CTNNA2: variants seen among roughly 807,000 people sequenced by gnomAD.
The protein encoded by CTNNA2 is catenin alpha 2, also known as catenin alpha-2.
A neutral mutation model predicts 101.0 loss-of-function variants in CTNNA2; 42 were observed. That is an observed-to-expected ratio of 0.42 (90% CI 0.32 to 0.54). The LOEUF (loss-of-function observed/expected upper bound fraction) is 0.54, where lower values mean the gene tolerates loss of function less well. Among genes scored for constraint, CTNNA2 ranks in the 20% least tolerant of loss-of-function variants. The pLI, the probability that CTNNA2 is intolerant of heterozygous loss-of-function variation, is 0.14. For synonymous variants in CTNNA2, 450 were observed against 456.4 expected (o/e 0.99, Z 0.18); for missense variants, 871 against 1,223.1 (o/e 0.71, Z 4.29).
chr2:80,173,610 C>T (rs540474700), intron 7 of CTNNA2, among the ~76,000 whole-genome samples: 28 of 152,284 alleles, frequency 1.8e-4, no homozygotes, highest in African/African-American at 6.5e-4. Flanking sequence ...GGTATAGTTT[C>T]CTCGCACTGG....
At chr2:79,538,559 C>T (rs1673213234) in intron 1 of CTNNA2, among the ~76,000 whole-genome samples, 1 of 152,092 alleles carries the variant, frequency 6.6e-6, no homozygotes, top group African/African-American at 2.4e-5. Context: ...TATGGCCTTG[C>T]TATCGAGCAG....
At chr2:79,386,056 A>T (rs1050742078) in intron 4 of CTNNA2, among the ~76,000 whole-genome samples, 1 of 152,160 alleles carries the variant, frequency 6.6e-6, no homozygotes, top group African/African-American at 2.4e-5. Context: ...CAGTAATGGG[A>T]TTGCTGGGTC....
At chr2:79,698,331 A>G (rs1273248958) in intron 2 of CTNNA2, among the ~76,000 whole-genome samples, 1 of 152,010 alleles carries the variant, frequency 6.6e-6, no homozygotes, top group Non-Finnish European at 1.5e-5. Context: ...TTTAGACAGT[A>G]AATTGGAAGT....
chr2:80,430,023 A>G (rs893631858), intron 9 of CTNNA2, among the ~76,000 whole-genome samples: 59 of 152,320 alleles, frequency 3.9e-4, no homozygotes, highest in African/African-American at 1.3e-3. Context: ...TTTTTTTCAT[A>G]TGTAAGAGAA....
intron 7 of CTNNA2, among the ~76,000 whole-genome samples, chr2:80,043,081 TTCTTTCTTTCTTTCTCTCTCTC>T (rs1259880234): frequency 3.4e-4 from 15 of 43,620 alleles, no homozygotes; most frequent in African/African-American, 1.0e-3. Context: ...CTTTCTTTCT[TTCTTTCTTTCTTTCTCTCTCTC>T]TCTCTCTCTT....
chr2:79,985,695 G>A (rs1354034519), intron 7 of CTNNA2, among the ~76,000 whole-genome samples: 1 of 152,202 alleles, frequency 6.6e-6, no homozygotes, highest in African/African-American at 2.4e-5. Context: ...GAAACAGACA[G>A]CACTAGAAAC....
chr2:79,586,528 T>TTA (rs2103947159), intron 1 of CTNNA2, among the ~76,000 whole-genome samples: 1 of 13,984 alleles, frequency 7.2e-5, no homozygotes, highest in East Asian at 1.2e-3. Context: ...TTTTCTTTTC[T>TTA]TTTTTTTTAG....
chr2:79,305,102 G>T (rs1460290261), intron 2 of CTNNA2, among the ~76,000 whole-genome samples: 1 of 151,964 alleles, frequency 6.6e-6, no homozygotes, highest in Non-Finnish European at 1.5e-5. Flanking sequence ...CAGAGGCAAA[G>T]CAGTGCATTT....
intron 7 of CTNNA2, among the ~76,000 whole-genome samples, chr2:79,996,192 T>C (rs1692532064): frequency 6.6e-6 from 1 of 152,236 alleles, no homozygotes; most frequent in African/African-American, 2.4e-5. Context: ...GCATATGCTA[T>C]ATTGCTAGTT....
intron 7 of CTNNA2, among the ~76,000 whole-genome samples, chr2:80,168,661 G>C (rs1208728329): frequency 1.3e-5 from 2 of 152,068 alleles, no homozygotes; most frequent in Non-Finnish European, 2.9e-5. Flanking sequence ...ATCCAATCTT[G>C]GTTGCACATT....
intron 3 of CTNNA2, among the ~76,000 whole-genome samples, chr2:79,823,272 T>C (rs559982233): frequency 3.3e-5 from 5 of 152,332 alleles, no homozygotes; most frequent in South Asian, 4.1e-4. Flanking sequence ...AGTGGAAAGA[T>C]TGTAGGATAT....
chr2:80,359,624 C>T (rs1674196204), intron 7 of CTNNA2, among the ~76,000 whole-genome samples: 2 of 152,126 alleles, frequency 1.3e-5, no homozygotes, highest in South Asian at 4.1e-4. Flanking sequence ...CACCTTGAGA[C>T]ATAACTGTAA....
chr2:80,251,768 T>C (rs1671785649), intron 7 of CTNNA2, among the ~76,000 whole-genome samples: 1 of 152,164 alleles, frequency 6.6e-6, no homozygotes, highest in Non-Finnish European at 1.5e-5. Flanking sequence ...TTAATCCAGT[T>C]ACCTGAGAAG....
intron 2 of CTNNA2, among the ~76,000 whole-genome samples, chr2:79,269,430 C>G (rs1675032853): frequency 6.6e-6 from 1 of 152,078 alleles, no homozygotes; most frequent in South Asian, 2.1e-4. Context: ...CCTCAGGCAA[C>G]CCGCAGTGGG....
At chr2:79,651,818 C>T (rs1453884988) in intron 2 of CTNNA2, among the ~76,000 whole-genome samples, 160 bp downstream of exon 2, 1 of 152,106 alleles carries the variant, frequency 6.6e-6, no homozygotes, top group African/African-American at 2.4e-5. Flanking sequence ...AATCTCATTG[C>T]CCTATAACAT....
chr2:79,326,955 C>T (rs1676761761), intron 3 of CTNNA2, among the ~76,000 whole-genome samples: 1 of 152,110 alleles, frequency 6.6e-6, no homozygotes. Flanking sequence ...ATCTGGTGGC[C>T]TGGGCTCCCA....
intron 8 of CTNNA2, among the ~76,000 whole-genome samples, chr2:80,416,816 A>G (rs1680085281): frequency 6.6e-6 from 1 of 151,976 alleles, no homozygotes; most frequent in South Asian, 2.1e-4. Flanking sequence ...GAGTTCTTGC[A>G]TTTTTATCAG....
rs201536941 is a variant in CTNNA2 at position 80,540,596 on chromosome 2, C to CAAAA, written c.1291-4374_1291-4371dup. On this transcript the variant is annotated intron_variant, in intron 9 of 18. Coordinates refer to ENST00000402739, the MANE Select transcript of CTNNA2 (RefSeq NM_001282597.3). ...TGGGCAGCAGAATGAGACTCCATCT[C>CAAAA]AAAAAAAAAAAAAAATCAATTTTGA... Among the ~76,000 whole-genome samples, 323 of 132,752 alleles carry CAAAA rather than the reference C, an allele frequency of 2.4e-3. 1 individual carries two copies. The highest frequency in any genetic ancestry group is 7.3e-3 in the African/African-American group (267 of 36,496). 87.1% of individuals were successfully genotyped at this position (132,752 alleles called of 152,430 possible).
At chr2:79,525,086 T>A (rs1390102970) in intron 1 of CTNNA2, among the ~76,000 whole-genome samples, 1 of 151,978 alleles carries the variant, frequency 6.6e-6, no homozygotes, top group African/African-American at 2.4e-5. Context: ...TCTAATTTTT[T>A]AAATATTTTG....
Sources: allele counts gnomAD v4.1 joint callset (sites outside exome capture counted in the v4.1 genomes callset), GRCh38; gene constraint gnomAD v4.1.1; transcripts MANE v1.5; gene names NCBI Gene and HGNC (gene_info 2026-07-23, HGNC 2026-07-21).